The following PLEKHA5 variants were observed in gnomAD, a reference collection of about 807,000 sequenced individuals.
PLEKHA5 encodes the protein pleckstrin homology domain-containing family A member 5.
In PLEKHA5, 55 loss-of-function variants were observed where a neutral mutation model predicts 181.9. That is an observed-to-expected ratio of 0.30 (90% CI 0.24 to 0.38). The LOEUF is 0.38. Among genes scored for constraint, PLEKHA5 ranks in the 10% least tolerant of loss-of-function variants. The pLI is 1.00. For synonymous variants in PLEKHA5, 535 were observed against 529.4 expected (o/e 1.01, Z -0.15); for missense variants, 1,432 against 1,549.5 (o/e 0.92, Z 1.27).
At position 19,153,171 on chromosome 12, in the gene PLEKHA5, A is replaced by G. The variant is rs1334380559; in HGVS notation, c.227+20721A>G. ...TTTTTACCACTAAGAATGATATCTG[A>G]TGAAGATTTTTGGAAGGTATCATTT... On this transcript the variant is annotated intron_variant, in intron 3 of 31. Coordinates refer to ENST00000429027, the MANE Select transcript of PLEKHA5 (RefSeq NM_001256470.2). 7 of 152,166 alleles carry G rather than the reference A, an allele frequency of 4.6e-5. No homozygotes were observed. In the East Asian group the frequency reaches 1.3e-3, roughly 29 times the overall value. The allele number at this position is 152,166 out of a possible 1,614,324, so 9.4% of individuals were successfully genotyped here.
chr12:19,129,805 G>A lies in PLEKHA5; in HGVS notation c.6G>A (p.Ala2=). 1 of 1,599,024 alleles carries A rather than the reference G, an allele frequency of 6.3e-7. No homozygotes were observed. The highest frequency in any genetic ancestry group is 8.5e-7 in the Non-Finnish European group (1 of 1,173,548). The change falls in exon 1 of 32, where the codon GCG becomes GCA. Residue 2 remains alanine (A), a synonymous_variant. Coordinates refer to ENST00000429027, the MANE Select transcript of PLEKHA5 (RefSeq NM_001256470.2). M[A]ADLNLEWISL... ...GCGGCGGCTAGGGATCAGACATGGCGGCGGATCTGAACCTGGAGTGGATCT... is the reference window on the plus strand; with the variant it reads ...GCGGCGGCTAGGGATCAGACATGGCAGCGGATCTGAACCTGGAGTGGATCT...
chr12:19,295,069 A>G (rs1267228146), intron 15 of PLEKHA5, among the ~76,000 whole-genome samples: 2 of 152,120 alleles, frequency 1.3e-5, no homozygotes, highest in East Asian at 3.8e-4. Context: ...GCCCTGGTTT[A>G]TTTGTCATTT....
intron 3 of PLEKHA5, among the ~76,000 whole-genome samples, chr12:19,180,018 T>C (rs1163919485): frequency 2.0e-5 from 3 of 152,118 alleles, no homozygotes; most frequent in Non-Finnish European, 4.4e-5. Flanking sequence ...ACAGGATAAA[T>C]TTATATGAAA....
chr12:19,254,682 G>A (rs1014557070), intron 4 of PLEKHA5, among the ~76,000 whole-genome samples: 1 of 152,116 alleles, frequency 6.6e-6, no homozygotes, highest in Non-Finnish European at 1.5e-5. Context: ...AATTAGCCGG[G>A]CATGGTGGAA....
intron 28 of PLEKHA5, 35 bp downstream of exon 28, chr12:19,359,581 G>A (rs1377317853): frequency 6.3e-7 from 1 of 1,591,158 alleles, no homozygotes; most frequent in African/African-American, 1.3e-5. Context: ...TATTCCAAAG[G>A]AATAGATTTG....
intron 15 of PLEKHA5, among the ~76,000 whole-genome samples, chr12:19,299,821 T>C (rs1195469242): frequency 6.6e-6 from 1 of 152,220 alleles, no homozygotes; most frequent in African/African-American, 2.4e-5. Context: ...TGCCACATTA[T>C]GTCTTTTAGC....
At chr12:19,367,093 C>A (rs1378718638) in intron 30 of PLEKHA5, among the ~76,000 whole-genome samples, 1 of 151,944 alleles carries the variant, frequency 6.6e-6, no homozygotes, top group African/African-American at 2.4e-5. Flanking sequence ...ACTATGTTGG[C>A]CAGGCTGGTC....
At chr12:19,311,176 G>A (rs1188285520) in intron 15 of PLEKHA5, among the ~76,000 whole-genome samples, 3 of 151,394 alleles carry the variant, frequency 2.0e-5, no homozygotes, top group African/African-American at 7.3e-5. Flanking sequence ...TCTCATGCCT[G>A]TCACTTTGGA....
intron 21 of PLEKHA5, among the ~76,000 whole-genome samples, chr12:19,336,983 C>CTTT (rs1227139242): frequency 4.6e-4 from 52 of 112,648 alleles, no homozygotes; most frequent in African/African-American, 8.8e-4. Context: ...TATCTTTTAT[C>CTTT]TTTTTTTTTT....
At chr12:19,331,172 A>G (rs2092794338) in intron 20 of PLEKHA5, among the ~76,000 whole-genome samples, 2 of 152,142 alleles carry the variant, frequency 1.3e-5, no homozygotes, top group African/African-American at 4.8e-5. Context: ...GTCTTACAAT[A>G]TTTACTTGAT....
chr12:19,360,506 A>C (rs2095184522), intron 28 of PLEKHA5, among the ~76,000 whole-genome samples: 1 of 151,882 alleles, frequency 6.6e-6, no homozygotes, highest in Non-Finnish European at 1.5e-5. Flanking sequence ...TGGGAGGCTG[A>C]AGCAGGAGAA....
intron 15 of PLEKHA5, among the ~76,000 whole-genome samples, chr12:19,314,221 A>G (rs2152999626): frequency 1.3e-5 from 2 of 152,286 alleles, no homozygotes; most frequent in South Asian, 4.1e-4. Context: ...GTCTTTGCTG[A>G]ATAAGTCTTA....
rs1332207541 is a variant in PLEKHA5, at chr12:19,291,722, C to T, written c.2037+25C>T. 5 of 1,243,000 alleles carry T rather than the reference C, an allele frequency of 4.0e-6. No homozygotes were observed. The South Asian group carries it at 5.4e-5, about 14-fold the overall frequency. The allele number at this position is 1,243,000 out of a possible 1,614,324, so 77.0% of individuals were successfully genotyped here. A position where few individuals can be genotyped will look rare whatever the true frequency, so the allele number is the denominator to read the frequency against. ...GGTGGGATTCATAGAGATTTTCTTACTTTTAATACTTAATAGAACTTCTTA... is the reference window on the plus strand; with the variant it reads ...GGTGGGATTCATAGAGATTTTCTTATTTTTAATACTTAATAGAACTTCTTA... On this transcript the variant is annotated intron_variant, in intron 15 of 31. Transcript: ENST00000429027.
chr12:19,257,944 T>TC (rs149680025), intron 6 of PLEKHA5, among the ~76,000 whole-genome samples: 2 of 152,122 alleles, frequency 1.3e-5, no homozygotes, highest in South Asian at 4.1e-4. Context: ...GTTGTATATT[T>TC]CCCCCCTTTA....
Position 19,253,979 on chromosome 12 carries a change from A to G in PLEKHA5, c.267A>G (p.Thr89=). The G allele has an allele frequency of 6.2e-7, 1 of 1,609,056 alleles. No homozygotes were observed. Among genetic ancestry groups the G allele is most frequent in the South Asian group, 1.1e-5 (1 of 90,022 alleles). Reference sequence around the variant, plus strand: ...AAGTGACCTGCAAACATCCAGTCACAGGACAACCATCACAGGACAATTGTA... The same window carrying G: ...AAGTGACCTGCAAACATCCAGTCACGGGACAACCATCACAGGACAATTGTA... ...ERKVTCKHPV[T]GQPSQDNCIF... is the part of the protein sequence containing the mutation. The change falls in exon 4 of 32, where the codon ACA becomes ACG. Residue 89 remains threonine, a synonymous_variant. Transcript: ENST00000429027.
chr12:19,228,508 A>G (rs928428704), intron 3 of PLEKHA5, among the ~76,000 whole-genome samples: 1 of 152,180 alleles, frequency 6.6e-6, no homozygotes, highest in African/African-American at 2.4e-5. Flanking sequence ...TATGTCAGAC[A>G]CTATTGTTGT....
intron 16 of PLEKHA5, among the ~76,000 whole-genome samples, chr12:19,315,341 T>C (rs1328923776): frequency 6.6e-6 from 1 of 152,182 alleles, no homozygotes; most frequent in Non-Finnish European, 1.5e-5. Context: ...ATGGGCGTTA[T>C]TTAAATCTAG....
intron 3 of PLEKHA5, among the ~76,000 whole-genome samples, chr12:19,133,828 G>A (rs2034775620): frequency 6.6e-6 from 1 of 151,944 alleles, no homozygotes; most frequent in African/African-American, 2.4e-5. Flanking sequence ...AAATACTTGA[G>A]TGAAATGCAG....
intron 3 of PLEKHA5, among the ~76,000 whole-genome samples, chr12:19,219,144 G>A (rs1280714639): frequency 6.6e-6 from 1 of 151,982 alleles, no homozygotes. Flanking sequence ...TGCAAAATCT[G>A]CATATACTAA....
Sources: allele counts gnomAD v4.1 joint callset (sites outside exome capture counted in the v4.1 genomes callset), GRCh38; gene constraint gnomAD v4.1.1; transcripts MANE v1.5; gene names NCBI Gene and HGNC (gene_info 2026-07-23, HGNC 2026-07-21).